Variants in ZNF250 observed in about 807,000 individuals in gnomAD.
The protein encoded by ZNF250 is zinc finger protein 250, also known as zinc finger protein (clone 647).
In ZNF250, 13 loss-of-function variants were observed where a neutral mutation model predicts 37.1. The ratio of observed to expected loss-of-function variants is 0.35; its 90% CI spans 0.23 to 0.56. The LOEUF is 0.56. ZNF250 is among the 20% of genes least tolerant of loss of function. ZNF250 has a pLI of 0.87. For missense variants in ZNF250, 474 were observed against 697.9 expected, an observed-to-expected ratio of 0.68 and a Z score of 3.61; for synonymous variants, 251 against 265.6, an observed-to-expected ratio of 0.94 and a Z score of 0.54.
chr8:144,900,318 A>G (rs1833014993), intron 1 of ZNF250, among the ~76,000 whole-genome samples: 1 of 152,122 alleles, frequency 6.6e-6, no homozygotes, highest in Non-Finnish European at 1.5e-5. Context: ...AAAATCTGCG[A>G]GTACCCACCC....
chr8:144,900,442 T>C (rs1292072685), intron 1 of ZNF250, among the ~76,000 whole-genome samples: 1 of 152,202 alleles, frequency 6.6e-6, no homozygotes, highest in African/African-American at 2.4e-5. Flanking sequence ...TCTAACGGCA[T>C]TCAAAAATTC....
In ZNF250 at chr8:144,900,499, G is replaced by C. The variant is rs572844091; in HGVS notation, c.-55+900C>G. On this transcript the variant is annotated intron_variant, in intron 1 of 5. Transcript: ENST00000417550. ...CCTCTTCATACACTGGCAGAGTGTC[G>C]GGGGGGATGACTTTTATATATTTCT... 1.1e-4 allele frequency among the ~76,000 whole-genome samples: 17 copies of C among 152,246 alleles called. No individual in the cohort carries two copies. In the East Asian group the frequency reaches 3.3e-3, roughly 29 times the overall value.
intron 5 of ZNF250, among the ~76,000 whole-genome samples, 179 bp from the exon 6 acceptor site, chr8:144,883,015 G>A (rs1450220735): frequency 2.0e-5 from 3 of 152,224 alleles, no homozygotes; most frequent in Admixed American, 2.0e-4. Flanking sequence ...AGAAGATAAT[G>A]TTTCCAGACA....
Position 144,891,221 on chromosome 8 carries a change from C to A in ZNF250, c.-54-818G>T, listed in dbSNP as rs1309232787. Among the ~76,000 whole-genome samples the A allele has an allele frequency of 6.6e-6, 1 of 152,130 alleles. No homozygotes were observed. Among genetic ancestry groups the A allele is most frequent in the Non-Finnish European group, 1.5e-5 (1 of 68,026 alleles). On this transcript the variant is annotated intron_variant, in intron 1 of 5. Transcript: ENST00000417550. The surrounding 1 kb of genome is among the most constrained non-coding windows in gnomAD (Gnocchi z 4.0). ...CTTCTGGAGCATCAAAAAGAAGATA[C>A]TGTGACAGGGATACAGAAACCAACC...
Position 144,891,980 on chromosome 8 carries a change from A to T in ZNF250, c.-54-1577T>A, listed in dbSNP as rs563218135. Among the ~76,000 whole-genome samples, 2 of 152,264 alleles carry T rather than the reference A, an allele frequency of 1.3e-5. No homozygotes were observed. Among genetic ancestry groups the T allele is most frequent in the Non-Finnish European group, 2.9e-5 (2 of 68,006 alleles). The stretch of plus-strand genomic sequence containing the variant: ...GTGGAGGTTGCAGTGAGCTGAGATC[A>T]TCTCAGCTGAGACTCTGTCTCAAAA... On this transcript the variant is annotated intron_variant, in intron 1 of 5. Transcript: ENST00000417550. The surrounding 1 kb of genome is among the most constrained non-coding windows in gnomAD (Gnocchi z 4.0).
intron 1 of ZNF250, among the ~76,000 whole-genome samples, chr8:144,896,746 G>A (rs750786467): frequency 6.6e-6 from 1 of 152,194 alleles, no homozygotes; most frequent in Non-Finnish European, 1.5e-5. Flanking sequence ...CAGGCTCCAG[G>A]GCCAGGGGCT....
Position 144,882,858 on chromosome 8 carries a change from G to A in ZNF250, c.347-22C>T, listed in dbSNP as rs369500214. The stretch of plus-strand genomic sequence containing the variant: ...CATTCTGAAAGAACAAATCCAAAAT[G>A]AAAATGTTAACACTACTCAAAACTG... On this transcript the variant is annotated intron_variant, in intron 5 of 5. Coordinates refer to ENST00000417550, the MANE Select transcript of ZNF250 (RefSeq NM_001109689.4). The surrounding 1 kb of genome is among the most constrained non-coding windows in gnomAD (Gnocchi z 5.5). 12 of 1,586,902 alleles carry A rather than the reference G, an allele frequency of 7.6e-6. No individual in the cohort carries two copies. Among genetic ancestry groups the A allele is most frequent in the Non-Finnish European group, 1.0e-5 (12 of 1,167,290 alleles).
chr8:144,882,655 G>A lies in ZNF250; in HGVS notation c.528C>T (p.Ser176=). ...SVDHREVQVL[S]QSMPLTPHQA... Reference sequence around the variant, plus strand: ...GGTGCGGAGTGAGTGGCATGCTTTGGCTTAAGACCTGAACTTCACGGTGGT... The same window carrying A: ...GGTGCGGAGTGAGTGGCATGCTTTGACTTAAGACCTGAACTTCACGGTGGT... The change falls in exon 6 of 6, where the codon AGC becomes AGT. Residue 176 remains serine (S), a synonymous_variant. Coordinates refer to ENST00000417550, the MANE Select transcript of ZNF250 (RefSeq NM_001109689.4). The surrounding 1 kb of genome is among the most constrained non-coding windows in gnomAD (Gnocchi z 5.5). 1 of 1,613,972 alleles carries A rather than the reference G, an allele frequency of 6.2e-7. No individual in the cohort carries two copies. The highest frequency in any genetic ancestry group is 2.2e-5 in the East Asian group (1 of 44,878).
At position 144,880,693 on chromosome 8, in the gene ZNF250, G is replaced by A. The variant is rs149948013; in HGVS notation, c.*822C>T. 25 of 329,938 alleles carry A rather than the reference G, an allele frequency of 7.6e-5. No homozygotes were observed. Among genetic ancestry groups the A allele is most frequent in the African/African-American group, 1.3e-4 (6 of 46,498 alleles). The allele number at this position is 329,938 out of a possible 1,614,324, so 20.4% of individuals were successfully genotyped here. A position where few individuals can be genotyped will look rare whatever the true frequency, so the allele number is the denominator to read the frequency against. On this transcript the variant is annotated 3_prime_UTR_variant, in exon 6 of 6. Coordinates refer to ENST00000417550, the MANE Select transcript of ZNF250 (RefSeq NM_001109689.4). ...AGCCTGGCCAACACGGTGAAACTCCGTCTCTACTAAAAATACAAAAATTAG... is the reference window on the plus strand; with the variant it reads ...AGCCTGGCCAACACGGTGAAACTCCATCTCTACTAAAAATACAAAAATTAG...
intron 3 of ZNF250, 106 bp from the exon 4 acceptor site, chr8:144,889,800 C>T: frequency 6.9e-7 from 1 of 1,458,350 alleles, no homozygotes; most frequent in Non-Finnish European, 9.2e-7. Flanking sequence ...TGATCTTCTG[C>T]TGGAGCTGAG....
intron 4 of ZNF250, among the ~76,000 whole-genome samples, chr8:144,888,221 T>G (rs1296311280): frequency 6.6e-6 from 1 of 152,254 alleles, no homozygotes; most frequent in African/African-American, 2.4e-5. Context: ...AGATTAATTC[T>G]TGGATGCTTT....
rs1411943942 is a variant in ZNF250, at chr8:144,882,705, A to T, written c.478T>A (p.Phe160Ile). 6.2e-7 allele frequency: 1 copy of T among 1,613,982 alleles called. No homozygotes were observed. The highest frequency in any genetic ancestry group is 1.7e-5 in the Admixed American group (1 of 60,016). ...TCAACAGAGTTTGGACTCAGACAGA[A>T]GCTTTGCTTTGTTTCATTATTTTCT... ...DQENNETKQS[F>I]CLSPNSVDHR... Residue 160 changes from phenylalanine to isoleucine, a missense_variant, in exon 6 of 6, where the codon TTC (phenylalanine) becomes ATC (isoleucine). This residue lies in a region of ZNF250 where 192 missense variants were observed against 227.5 expected (regional missense o/e 0.84). Coordinates refer to ENST00000417550, the MANE Select transcript of ZNF250 (RefSeq NM_001109689.4). This position sits in a 1 kb window ranked among gnomAD's most constrained non-coding sequence, Gnocchi z 5.5.
At position 144,882,752 on chromosome 8, in the gene ZNF250, G is replaced by A. The variant is rs1174754116; in HGVS notation, c.431C>T (p.Thr144Ile). 2.5e-6 allele frequency: 4 copies of A among 1,614,026 alleles called. No individual in the cohort carries two copies. The highest frequency in any genetic ancestry group is 2.2e-5 in the East Asian group (1 of 44,886). The change falls in exon 6 of 6, where the codon ACA (threonine) becomes ATA (isoleucine). Residue 144 changes from threonine (T) to isoleucine (I), a missense_variant. Physicochemically the swap from Thr to Ile is moderately conservative, Grantham distance 89. This residue lies in a region of ZNF250 where 192 missense variants were observed against 227.5 expected (regional missense o/e 0.84). Transcript: ENST00000417550. This position sits in a 1 kb window ranked among gnomAD's most constrained non-coding sequence, Gnocchi z 5.5. ...TTCTTGATCAATCCTCCCCAAGGGT[G>A]TTTTCCCCAGAATCACTGTTTGCTC... is the stretch of plus-strand genomic sequence containing the variant. ...ISEQTVILGK[T>I]PLGRIDQENN...
At chr8:144,892,623 C>T (rs1316707546) in intron 1 of ZNF250, among the ~76,000 whole-genome samples, 1 of 151,752 alleles carries the variant, frequency 6.6e-6, no homozygotes, top group Non-Finnish European at 1.5e-5. Context: ...GGCGAGATCT[C>T]GGCTCACCGC....
chr8:144,886,490 C>T (rs568065289), intron 5 of ZNF250, among the ~76,000 whole-genome samples: 1 of 152,340 alleles, frequency 6.6e-6, no homozygotes, highest in East Asian at 1.9e-4. Flanking sequence ...AGCTGGACTT[C>T]AGCCAAGAGT....
intron 1 of ZNF250, among the ~76,000 whole-genome samples, chr8:144,895,585 G>A (rs1158899695): frequency 6.6e-6 from 1 of 152,116 alleles, no homozygotes; most frequent in Admixed American, 6.5e-5. Flanking sequence ...GACAATACCA[G>A]GCTGTCAACA....
chr8:144,897,153 G>A lies in ZNF250; in HGVS notation c.-55+4246C>T, dbSNP rs1396402509. Among the ~76,000 whole-genome samples the A allele has an allele frequency of 6.6e-6, 1 of 152,178 alleles. No homozygotes were observed. Among genetic ancestry groups the A allele is most frequent in the Non-Finnish European group, 1.5e-5 (1 of 68,030 alleles). On this transcript the variant is annotated intron_variant, in intron 1 of 5. Coordinates refer to ENST00000417550, the MANE Select transcript of ZNF250 (RefSeq NM_001109689.4). The surrounding 1 kb of genome is among the most constrained non-coding windows in gnomAD (Gnocchi z 5.2). ...GTCATTCCAGAGGACCCTGCACATG[G>A]TCACACACTGGGACAGGCACATTTG...
intron 1 of ZNF250, among the ~76,000 whole-genome samples, chr8:144,892,777 T>C (rs193145363): frequency 0.026 from 3,973 of 151,154 alleles, 218 homozygotes; most frequent in East Asian, 0.22. Context: ...AGGCTGGTCT[T>C]GAACTCCCGA....
At chr8:144,886,090 C>T (rs1586898537) in intron 5 of ZNF250, among the ~76,000 whole-genome samples, 2 of 146,044 alleles carry the variant, frequency 1.4e-5, no homozygotes, top group Admixed American at 1.4e-4. Flanking sequence ...GAGTGAGAGC[C>T]TGTCTAAAAA....
Sources: allele counts gnomAD v4.1 joint callset (sites outside exome capture counted in the v4.1 genomes callset), GRCh38; gene constraint gnomAD v4.1.1; regional missense constraint gnomAD v4.1.1; non-coding constraint Gnocchi (gnomAD v3.1); transcripts MANE v1.5; gene names NCBI Gene and HGNC (gene_info 2026-07-23, HGNC 2026-07-21).